Variants in SRP54 observed in about 807,000 individuals in gnomAD.
SRP54 encodes the protein signal recognition particle 54, also known as signal recognition particle subunit SRP54.
A neutral mutation model predicts 64.8 loss-of-function variants in SRP54; 10 were observed. The observed-to-expected ratio is 0.15, with a 90% CI of 0.10 to 0.26. The LOEUF (loss-of-function observed/expected upper bound fraction) is 0.26, where lower values mean the gene tolerates loss of function less well. Ranked by LOEUF, SRP54 falls within the 10% of genes least tolerant of loss-of-function variation. The pLI is 1.00. For missense variants in SRP54, 325 were observed against 613.7 expected (o/e 0.53, Z 4.97); for synonymous variants, 193 against 185.6 (o/e 1.04, Z -0.32).
chr14:35,007,428 A>G (rs1397411738), intron 5 of SRP54, 41 bp downstream of exon 5: 4 of 1,303,224 alleles, frequency 3.1e-6, no homozygotes. Context: ...TATGGAAGAT[A>G]GGTTTGTATA....
At chr14:35,021,710 C>T (rs1174397581) in intron 13 of SRP54, among the ~76,000 whole-genome samples, 1 of 152,082 alleles carries the variant, frequency 6.6e-6, no homozygotes, top group Admixed American at 6.6e-5. Context: ...ATGGAAGTGC[C>T]ACGTAAATGG....
intron 1 of SRP54, among the ~76,000 whole-genome samples, chr14:34,986,650 C>T (rs868609452): frequency 1.3e-5 from 2 of 152,016 alleles, no homozygotes; most frequent in Non-Finnish European, 2.9e-5. Context: ...GAGGCTGAGG[C>T]GGGTGGATCA....
At chr14:35,015,940 C>T (rs1378761973) in intron 11 of SRP54, among the ~76,000 whole-genome samples, 2 of 152,182 alleles carry the variant, frequency 1.3e-5, no homozygotes, top group Non-Finnish European at 2.9e-5. Context: ...TCCTTATTCC[C>T]ATCCCAACCT....
intron 3 of SRP54, chr14:34,999,894 T>C (rs553697692): frequency 6.7e-6 from 2 of 298,344 alleles, no homozygotes; most frequent in African/African-American, 4.2e-5. Context: ...ACTAGTCTTT[T>C]ATTTGAATGG....
At chr14:35,023,363 A>G (rs966140531) in intron 14 of SRP54, among the ~76,000 whole-genome samples, 18 of 151,646 alleles carry the variant, frequency 1.2e-4, no homozygotes, top group Admixed American at 3.3e-4. Context: ...AATATAAGGA[A>G]AAAAAAAACA....
intron 1 of SRP54, among the ~76,000 whole-genome samples, chr14:34,991,382 G>A (rs909744261): frequency 2.0e-5 from 3 of 151,328 alleles, no homozygotes; most frequent in Non-Finnish European, 4.4e-5. Flanking sequence ...CACTCACCTC[G>A]GCCTCCCAAA....
intron 5 of SRP54, among the ~76,000 whole-genome samples, chr14:35,008,024 G>C (rs542782276): frequency 6.6e-6 from 1 of 152,032 alleles, no homozygotes; most frequent in South Asian, 2.1e-4. Context: ...TTGGAGAAGA[G>C]AACATGGAGT....
intron 10 of SRP54, 129 bp downstream of exon 10, chr14:35,014,031 C>T (rs901323626): frequency 2.1e-5 from 14 of 660,666 alleles, no homozygotes; most frequent in African/African-American, 5.6e-5. Context: ...AGTTTCCTTA[C>T]CTGTAAAATA....
chr14:35,020,241 G>C (rs1336135211), intron 13 of SRP54, among the ~76,000 whole-genome samples: 1 of 152,086 alleles, frequency 6.6e-6, no homozygotes, highest in Non-Finnish European at 1.5e-5. Context: ...GATCATCTAA[G>C]CCTTCAGTGC....
intron 1 of SRP54, among the ~76,000 whole-genome samples, chr14:34,987,286 T>C (rs796324156): frequency 0.028 from 2,774 of 99,996 alleles, 37 homozygotes; most frequent in East Asian, 0.087. Flanking sequence ...TATATATATA[T>C]ACACACACAC....
At chr14:34,987,286 T>TATATAC (rs1380238201) in intron 1 of SRP54, among the ~76,000 whole-genome samples, 1 of 100,108 alleles carries the variant, frequency 1.0e-5, no homozygotes, top group East Asian at 5.5e-4. Context: ...TATATATATA[T>TATATAC]ACACACACAC....
intron 4 of SRP54, among the ~76,000 whole-genome samples, chr14:35,002,110 T>C (rs1374738128): frequency 6.6e-6 from 1 of 151,758 alleles, no homozygotes; most frequent in Non-Finnish European, 1.5e-5. Context: ...ATCCCAGCAC[T>C]GTGGGAGGCT....
At chr14:35,016,372 T>G (rs2044438199) in intron 11 of SRP54, among the ~76,000 whole-genome samples, 1 of 152,254 alleles carries the variant, frequency 6.6e-6, no homozygotes. Context: ...ATGTTGTGTT[T>G]TAGCATTGTT....
Position 35,016,844 on chromosome 14 carries a change from T to C in SRP54, c.974-1848T>C, listed in dbSNP as rs867335131. On this transcript the variant is annotated intron_variant, in intron 11 of 15. Transcript: ENST00000216774. ...GTCTCTTTGCCCCTTTTTTTTCTTTTCTTTTTTTTTTTTTTTCTTCTTTTT... is the reference window on the plus strand; with the variant it reads ...GTCTCTTTGCCCCTTTTTTTTCTTTCCTTTTTTTTTTTTTTTCTTCTTTTT... 1.9e-4 allele frequency among the ~76,000 whole-genome samples: 24 copies of C among 124,920 alleles called. No individual in the cohort carries two copies. In the South Asian group the frequency reaches 2.5e-3, roughly 13 times the overall value. The allele number at this position is 124,920 out of a possible 152,430, so 82.0% of individuals were successfully genotyped here. A position where few individuals can be genotyped will look rare whatever the true frequency, so the allele number is the denominator to read the frequency against.
intron 14 of SRP54, among the ~76,000 whole-genome samples, chr14:35,023,326 T>G (rs2044565813): frequency 6.6e-6 from 1 of 152,052 alleles, no homozygotes; most frequent in South Asian, 2.1e-4. Flanking sequence ...ATTTTCTTTT[T>G]GTGAACACAT....
At chr14:35,018,659 T>C (rs2044479368) in intron 11 of SRP54, 33 bp from the exon 12 acceptor site, 2 of 1,549,342 alleles carry the variant, frequency 1.3e-6, no homozygotes, top group Non-Finnish European at 1.8e-6. Context: ...GTACATACTT[T>C]AATATATCCG....
intron 1 of SRP54, among the ~76,000 whole-genome samples, chr14:34,993,744 G>A (rs1374007609): frequency 6.6e-6 from 1 of 150,388 alleles, no homozygotes; most frequent in African/African-American, 2.5e-5. Context: ...GCCCAGGCTG[G>A]AGTGCAATGG....
At chr14:34,998,782 C>T (rs921881892) in intron 2 of SRP54, among the ~76,000 whole-genome samples, 1 of 151,034 alleles carries the variant, frequency 6.6e-6, no homozygotes, top group Middle Eastern at 3.4e-3. Flanking sequence ...CATTGCACTC[C>T]AGCCTGGGCA....
chr14:34,999,009 GTGTGGT>G (rs1196874020), intron 2 of SRP54, among the ~76,000 whole-genome samples: 25 of 56,022 alleles, frequency 4.5e-4, no homozygotes, highest in African/African-American at 1.4e-3. Context: ...GTGTGTGTGT[GTGTGGT>G]TTTTTTTTTT....
Sources: gnomAD v4.1 joint callset for allele counts (sites outside exome capture counted in the v4.1 genomes callset) on GRCh38, gnomAD v4.1.1 for gene constraint, MANE v1.5 for transcripts, NCBI Gene and HGNC (gene_info 2026-07-23, HGNC 2026-07-21) for gene names.